Variants in COLGALT1 observed in about 807,000 individuals in gnomAD.
The protein encoded by COLGALT1 is procollagen galactosyltransferase 1.
COLGALT1 carries 43 observed loss-of-function variants against 60.8 expected under a neutral mutation model. The observed-to-expected ratio is 0.71, with a 90% CI of 0.55 to 0.91. COLGALT1 has a LOEUF of 0.91. COLGALT1 is among the 40% of genes least tolerant of loss of function. COLGALT1 has a pLI of 0.00. For missense variants in COLGALT1, 845 were observed against 880.0 expected (o/e 0.96, Z 0.50); for synonymous variants, 369 against 374.2 (o/e 0.99, Z 0.16).
chr19:17,575,497 G>A (rs911846352), intron 6 of COLGALT1, among the ~76,000 whole-genome samples: 5 of 151,942 alleles, frequency 3.3e-5, no homozygotes, highest in Non-Finnish European at 7.4e-5. Context: ...CACCTGCCTC[G>A]GCCTCCCAAA....
At chr19:17,580,416 A>C (rs2076373150) in intron 10 of COLGALT1, 1 of 502,124 alleles carries the variant, frequency 2.0e-6, no homozygotes, top group Non-Finnish European at 3.6e-6. Context: ...TGTCCTCTGA[A>C]CTCAGAGCAG....
intron 8 of COLGALT1, 39 bp downstream of exon 8, chr19:17,577,506 C>T (rs1226221808): frequency 3.7e-6 from 5 of 1,357,674 alleles, no homozygotes; most frequent in Non-Finnish European, 3.9e-6. Context: ...CGGGTCCGCA[C>T]GTGGATGTGG....
At position 17,555,799 on chromosome 19, in the gene COLGALT1, G is replaced by T; in HGVS notation, c.86G>T (p.Gly29Val). 8.0e-7 allele frequency: 1 copy of T among 1,250,380 alleles called. No individual in the cohort carries two copies. The highest frequency in any genetic ancestry group is 4.1e-5 in the Admixed American group (1 of 24,122). 77.5% of individuals were successfully genotyped at this position (1,250,380 alleles called of 1,614,324 possible). The change falls in exon 1 of 12, where the codon GGG (glycine) becomes GTG (valine). Residue 29 changes from glycine (G) to valine (V), a missense_variant. Transcript: ENST00000252599. ...LLLLLAPLPP[G>V]APPGADAYFP... Reference sequence around the variant, plus strand: ...CTGCTGCTGGCGCCACTGCCGCCGGGGGCCCCGCCGGGCGCCGACGCCTAC... The same window carrying T: ...CTGCTGCTGGCGCCACTGCCGCCGGTGGCCCCGCCGGGCGCCGACGCCTAC...
At chr19:17,556,371 G>A (rs1011171047) in intron 1 of COLGALT1, among the ~76,000 whole-genome samples, 13 of 152,212 alleles carry the variant, frequency 8.5e-5, no homozygotes, top group African/African-American at 3.1e-4. Context: ...ACGGAGCCCA[G>A]AGCCCCCACT....
chr19:17,562,630 C>T (rs561680700), intron 3 of COLGALT1, among the ~76,000 whole-genome samples: 20 of 151,776 alleles, frequency 1.3e-4, no homozygotes, highest in African/African-American at 3.9e-4. Context: ...CCACTGCGCT[C>T]CAGCCTGGGC....
chr19:17,582,740 C>G lies in COLGALT1; in HGVS notation c.*1296C>G, dbSNP rs1305799160. 3 of 152,318 alleles carry G rather than the reference C, an allele frequency of 2.0e-5. No individual in the cohort carries two copies. Among genetic ancestry groups the G allele is most frequent in the Admixed American group, 1.3e-4 (2 of 15,282 alleles). 9.4% of individuals were successfully genotyped at this position (152,318 alleles called of 1,614,324 possible). ...CTGTGTGCAGACAACATCCCCCCAC[C>G]ACCCAAGAGGGAGGGTAGCTCTTCC... On this transcript the variant is annotated 3_prime_UTR_variant, in exon 12 of 12. Coordinates refer to ENST00000252599, the MANE Select transcript of COLGALT1 (RefSeq NM_024656.4).
intron 6 of COLGALT1, among the ~76,000 whole-genome samples, chr19:17,573,478 G>A (rs1254463719): frequency 6.6e-5 from 10 of 151,804 alleles, no homozygotes; most frequent in South Asian, 2.1e-4. Flanking sequence ...GCAGTGAGCC[G>A]AGATCGTGCC....
chr19:17,564,350 CATAT>C (rs1453278334), intron 3 of COLGALT1, among the ~76,000 whole-genome samples: 1 of 146,738 alleles, frequency 6.8e-6, no homozygotes, highest in African/African-American at 2.5e-5. Flanking sequence ...TGTATATAAA[CATAT>C]ATACGTGTGT....
intron 2 of COLGALT1, 130 bp from the exon 3 acceptor site, chr19:17,560,218 C>T (rs2076239898): frequency 1.5e-6 from 1 of 652,168 alleles, no homozygotes; most frequent in Non-Finnish European, 2.7e-6. Context: ...TTACTTTTTC[C>T]CATCCCTCAG....
chr19:17,558,834 C>T (rs1197201426), intron 1 of COLGALT1, among the ~76,000 whole-genome samples: 1 of 152,010 alleles, frequency 6.6e-6, no homozygotes, highest in African/African-American at 2.4e-5. Flanking sequence ...CTGTTCCCAC[C>T]CCCATGTTAC....
At chr19:17,556,193 A>G (rs1194804544) in intron 1 of COLGALT1, among the ~76,000 whole-genome samples, 2 of 152,034 alleles carry the variant, frequency 1.3e-5, no homozygotes, top group East Asian at 1.9e-4. Context: ...CTGTCCTCCC[A>G]TGGGGCCAGA....
chr19:17,559,382 T>G lies in COLGALT1; in HGVS notation c.332T>G (p.Leu111Trp). The G allele has an allele frequency of 6.4e-7, 1 of 1,552,262 alleles. No homozygotes were observed. The highest frequency in any genetic ancestry group is 8.7e-7 in the Non-Finnish European group (1 of 1,147,358). Residue 111 changes from leucine to tryptophan, a missense_variant, in exon 2 of 12, where the codon TTG becomes TGG. Physicochemically the swap from Leu to Trp is moderately conservative, Grantham distance 61 (BLOSUM62 -2). Coordinates refer to ENST00000252599, the MANE Select transcript of COLGALT1 (RefSeq NM_024656.4). Reference protein sequence around the residue: ...LREWLVAVKSLYHSVEWRPAE... With the variant: ...LREWLVAVKSWYHSVEWRPAE... ...GAGTGGCTGGTGGCCGTGAAGAGTTTGTACCATTCCGTGGAGTGGCGGCCA... is the reference window on the plus strand; with the variant it reads ...GAGTGGCTGGTGGCCGTGAAGAGTTGGTACCATTCCGTGGAGTGGCGGCCA...
intron 10 of COLGALT1, chr19:17,580,407 G>T: frequency 4.3e-6 from 2 of 467,112 alleles, no homozygotes; most frequent in Non-Finnish European, 7.8e-6. Flanking sequence ...CACCCCCACT[G>T]TCCTCTGAAC....
chr19:17,580,991 G>A, intron 11 of COLGALT1, 86 bp downstream of exon 11: 1 of 1,521,044 alleles, frequency 6.6e-7, no homozygotes. Context: ...CGGCCTCCGA[G>A]AAGATGTCTC....
chr19:17,567,080 A>G (rs1318338223), intron 3 of COLGALT1, among the ~76,000 whole-genome samples: 1 of 151,570 alleles, frequency 6.6e-6, no homozygotes, highest in Non-Finnish European at 1.5e-5. Context: ...ATACCACTGC[A>G]CTCCAGCCTG....
At chr19:17,577,821 T>A (rs2076353722) in intron 8 of COLGALT1, 136 bp from the exon 9 acceptor site, 1 of 1,189,160 alleles carries the variant, frequency 8.4e-7, no homozygotes, top group Non-Finnish European at 1.2e-6. Flanking sequence ...TGAGGCCCCA[T>A]GTGCCCGGAA....
chr19:17,557,501 C>T (rs751967783), intron 1 of COLGALT1, among the ~76,000 whole-genome samples: 1 of 152,160 alleles, frequency 6.6e-6, no homozygotes, highest in African/African-American at 2.4e-5. Flanking sequence ...AGGGTTTCAC[C>T]ATTGTGGCCA....
Position 17,580,751 on chromosome 19 carries a change from C to T in COLGALT1, c.1447C>T (p.Arg483Cys), listed in dbSNP as rs756336332. 21 of 1,613,934 alleles carry T rather than the reference C, an allele frequency of 1.3e-5. No homozygotes were observed. The highest frequency in any genetic ancestry group is 1.6e-4 in the Middle Eastern group (1 of 6,084). Residue 483 changes from arginine to cysteine, a missense_variant, in exon 11 of 12, where the codon CGC becomes TGC. Coordinates refer to ENST00000252599, the MANE Select transcript of COLGALT1 (RefSeq NM_024656.4). The part of the protein sequence containing the change: ...QVEHPEKAVP[R>C]VRNLVEADYS... ...GGAGCACCCCGAGAAGGCTGTGCCT[C>T]GCGTGAGGAACCTGGTGGAGGCCGA... is the stretch of plus-strand genomic sequence containing the variant.
At chr19:17,561,631 C>CAAAAAAAAAAAAAAAAAAAAAAA (rs11332403) in intron 3 of COLGALT1, among the ~76,000 whole-genome samples, 1 of 72,732 alleles carries the variant, frequency 1.4e-5, no homozygotes, top group Non-Finnish European at 2.5e-5. Context: ...GACTCTGTCT[C>CAAAAAAAAAAAAAAAAAAAAAAA]AAAAAAAAAA....
Sources: gnomAD v4.1 joint callset for allele counts (sites outside exome capture counted in the v4.1 genomes callset) on GRCh38, gnomAD v4.1.1 for gene constraint, MANE v1.5 for transcripts, NCBI Gene and HGNC (gene_info 2026-07-23, HGNC 2026-07-21) for gene names.